Variants in FMN1 observed in about 807,000 individuals in gnomAD.
FMN1 encodes the protein formin 1, also known as formin-1.
Under a neutral mutation model 132.4 loss-of-function variants are expected in FMN1, and 110 were observed. The observed-to-expected ratio is 0.83, with a 90% CI of 0.71 to 0.97. The LOEUF is 0.97. FMN1 is among the 50% of genes least tolerant of loss of function. The pLI is 0.00. For missense variants in FMN1, 1,792 were observed against 1,705.3 expected, an observed-to-expected ratio of 1.05 and a Z score of -0.90; for synonymous variants, 722 against 651.7, an observed-to-expected ratio of 1.11 and a Z score of -1.64.
Position 33,154,401 on chromosome 15 carries a change from G to C in FMN1, c.514C>G (p.Leu172Val). ...SSGRRESFGA[L>V]PQKRTKRKGR... The stretch of plus-strand genomic sequence containing the variant: ...TTTCTTTTGGTCCTCTTCTGTGGAA[G>C]GGCCCCAAAGCTCTCTCTCCTTCCA... The change falls in exon 4 of 21, where the codon CTT becomes GTT. Residue 172 changes from leucine (L) to valine (V), a missense_variant. Coordinates refer to ENST00000616417, the MANE Select transcript of FMN1 (RefSeq NM_001277313.2). 3 of 1,536,078 alleles carry C rather than the reference G, an allele frequency of 2.0e-6. No individual in the cohort carries two copies. Among genetic ancestry groups the C allele is most frequent in the Non-Finnish European group, 2.6e-6 (3 of 1,146,904 alleles).
chr15:32,966,494 G>C (rs1483952912), intron 8 of FMN1, among the ~76,000 whole-genome samples: 1 of 152,102 alleles, frequency 6.6e-6, no homozygotes, highest in African/African-American at 2.4e-5. Flanking sequence ...GGGAGAGAGA[G>C]AGAAAGAGGA....
At chr15:32,976,888 G>A (rs997007164) in intron 7 of FMN1, among the ~76,000 whole-genome samples, 24 of 152,182 alleles carry the variant, frequency 1.6e-4, no homozygotes, top group African/African-American at 5.6e-4. Context: ...CCAACATGGC[G>A]TGAGTGTTCC....
intron 6 of FMN1, among the ~76,000 whole-genome samples, chr15:33,022,872 G>A (rs1163752736): frequency 2.0e-5 from 3 of 151,984 alleles, no homozygotes; most frequent in Non-Finnish European, 4.4e-5. Flanking sequence ...GTTGGAAGAG[G>A]TTGTCAACTG....
intron 5 of FMN1, chr15:33,067,782 T>G (rs773345400): frequency 1.9e-6 from 3 of 1,614,028 alleles, no homozygotes; most frequent in Admixed American, 1.7e-5. Flanking sequence ...AGGGATTTCA[T>G]AGAGAACTTA....
intron 6 of FMN1, among the ~76,000 whole-genome samples, chr15:33,018,665 G>A (rs1388076751): frequency 6.6e-6 from 1 of 152,124 alleles, no homozygotes; most frequent in Non-Finnish European, 1.5e-5. Flanking sequence ...TGTGTTCTTG[G>A]TCTCACTGAC....
At chr15:32,989,028 C>G (rs1039343669) in intron 7 of FMN1, among the ~76,000 whole-genome samples, 3 of 152,242 alleles carry the variant, frequency 2.0e-5, no homozygotes, top group Middle Eastern at 3.4e-3. Flanking sequence ...TCAAAAATAT[C>G]TTTTAAAAAA....
At chr15:33,063,899 A>C (rs146000628) in intron 6 of FMN1, 1 of 152,334 alleles carries the variant, frequency 6.6e-6, no homozygotes, top group African/African-American at 2.4e-5. Context: ...GTGGGAAAGA[A>C]GACTTAAATT....
intron 12 of FMN1, among the ~76,000 whole-genome samples, chr15:32,903,487 T>C (rs1023743455): frequency 6.6e-6 from 1 of 152,230 alleles, no homozygotes; most frequent in African/African-American, 2.4e-5. Flanking sequence ...AAGACGTATT[T>C]ATTCAGATGC....
At chr15:33,014,806 A>G (rs964315052) in intron 6 of FMN1, among the ~76,000 whole-genome samples, 4 of 152,220 alleles carry the variant, frequency 2.6e-5, no homozygotes, top group African/African-American at 9.6e-5. Context: ...TGTGCCCTCC[A>G]ATTTGTGAAG....
chr15:33,071,781 TGA>T (rs1351520628), intron 5 of FMN1, among the ~76,000 whole-genome samples: 3 of 152,228 alleles, frequency 2.0e-5, no homozygotes, highest in East Asian at 1.9e-4. Flanking sequence ...ACTCAGGGAA[TGA>T]GAGTGTTTCA....
intron 5 of FMN1, among the ~76,000 whole-genome samples, chr15:33,069,910 C>T (rs926975893): frequency 6.7e-6 from 1 of 148,952 alleles, no homozygotes; most frequent in African/African-American, 2.4e-5. Context: ...GAGGAAATAC[C>T]CATTGATTAA....
rs1341809259 is a variant in FMN1 at position 33,154,953 on chromosome 15, T to C, written c.-39A>G. ...TTATTCATGCCTTGGAGATGCCGGT[T>C]TGTGGTCAGGCTTCCCAGGCTCCAG... is the stretch of plus-strand genomic sequence containing the variant. On this transcript the variant is annotated 5_prime_UTR_variant, in exon 4 of 21. Transcript: ENST00000616417. 6.1e-6 allele frequency: 9 copies of C among 1,483,242 alleles called. No homozygotes were observed. The highest frequency in any genetic ancestry group is 1.4e-5 in the South Asian group (1 of 74,020). 91.9% of individuals were successfully genotyped at this position (1,483,242 alleles called of 1,614,324 possible). A position where few individuals can be genotyped will look rare whatever the true frequency, so the allele number is the denominator to read the frequency against.
chr15:33,098,768 C>T (rs1331171135), intron 4 of FMN1, among the ~76,000 whole-genome samples: 2 of 152,134 alleles, frequency 1.3e-5, no homozygotes, highest in Non-Finnish European at 2.9e-5. Flanking sequence ...TTTCTTCTAC[C>T]ACCACAGCTC....
chr15:33,071,453 A>G (rs1318671997), intron 5 of FMN1, among the ~76,000 whole-genome samples: 1 of 152,184 alleles, frequency 6.6e-6, no homozygotes, highest in East Asian at 1.9e-4. Flanking sequence ...ATGAGCACCA[A>G]CAATGAATGA....
At chr15:33,080,284 G>A (rs1389348425) in intron 5 of FMN1, among the ~76,000 whole-genome samples, 2 of 152,196 alleles carry the variant, frequency 1.3e-5, no homozygotes, top group African/African-American at 4.8e-5. Context: ...TCTAATTTAC[G>A]CTGTGGAGTT....
intron 16 of FMN1, among the ~76,000 whole-genome samples, chr15:32,863,460 T>G: frequency 6.6e-6 from 1 of 152,018 alleles, no homozygotes; most frequent in Admixed American, 6.6e-5. Flanking sequence ...TAAAATAAAA[T>G]AAATAAACAC....
chr15:33,169,629 C>T (rs1036677498), intron 3 of FMN1, among the ~76,000 whole-genome samples: 16 of 151,556 alleles, frequency 1.1e-4, no homozygotes, highest in African/African-American at 3.6e-4. Context: ...ATTTCAAAGA[C>T]ACTTTGAAAT....
intron 7 of FMN1, 37 bp downstream of exon 7, chr15:33,007,977 T>C: frequency 2.6e-6 from 4 of 1,545,924 alleles, no homozygotes; most frequent in Non-Finnish European, 3.5e-6. Flanking sequence ...AAGTATCAGT[T>C]CTATAGAACC....
chr15:33,006,910 G>A (rs2034448539), intron 7 of FMN1, among the ~76,000 whole-genome samples: 1 of 152,076 alleles, frequency 6.6e-6, no homozygotes, highest in Non-Finnish European at 1.5e-5. Flanking sequence ...AAGTGGGGAA[G>A]GATTAGGGAG....
Sources: gnomAD v4.1 joint callset for allele counts (sites outside exome capture counted in the v4.1 genomes callset) on GRCh38, gnomAD v4.1.1 for gene constraint, MANE v1.5 for transcripts, NCBI Gene and HGNC (gene_info 2026-07-23, HGNC 2026-07-21) for gene names.